Variants in SCRG1 observed in about 807,000 individuals in gnomAD.
SCRG1 encodes the protein scrapie-responsive protein 1.
A neutral mutation model predicts 7.7 loss-of-function variants in SCRG1; 3 were observed. The observed-to-expected ratio is 0.39, with a 90% CI of 0.18 to 1.01. The LOEUF (loss-of-function observed/expected upper bound fraction) is 1.01. SCRG1 is among the 50% of genes least tolerant of loss of function. The probability of loss-of-function intolerance (pLI) is 0.36; values close to 1 mark genes in which losing one functional copy is unlikely to be tolerated. For synonymous variants in SCRG1, 46 were observed against 41.2 expected, an observed-to-expected ratio of 1.12 and a Z score of -0.44; for missense variants, 110 against 117.2, an observed-to-expected ratio of 0.94 and a Z score of 0.28.
At chr4:173,421,337 A>G in the SCRG1 span, among the ~76,000 whole-genome samples, 2 of 152,186 alleles carry the variant, frequency 1.3e-5, no homozygotes, top group Admixed American at 1.3e-4. Context: ...TAGAAGCTCA[A>G]TAAATTGTCG....
the SCRG1 span, among the ~76,000 whole-genome samples, chr4:173,458,123 G>A: frequency 1.3e-5 from 2 of 152,148 alleles, no homozygotes; most frequent in African/African-American, 4.8e-5. Context: ...AGGGTACCCA[G>A]GACTGGCTGA....
the SCRG1 span, among the ~76,000 whole-genome samples, chr4:173,474,532 A>C: frequency 7.2e-5 from 11 of 152,336 alleles, no homozygotes; most frequent in African/African-American, 2.6e-4. Context: ...CCTTCAAATT[A>C]TATGTGAGTT....
chr4:173,428,947 C>G, the SCRG1 span, among the ~76,000 whole-genome samples: 1 of 152,124 alleles, frequency 6.6e-6, no homozygotes, highest in Non-Finnish European at 1.5e-5. Context: ...AATAATCCCT[C>G]TAATTATTAT....
the SCRG1 span, among the ~76,000 whole-genome samples, chr4:173,433,563 C>A: frequency 2.6e-5 from 4 of 152,152 alleles, no homozygotes; most frequent in Non-Finnish European, 4.4e-5. Context: ...TCGCTCTGGT[C>A]TGTGAGCTTC....
chr4:173,411,851 G>T, the SCRG1 span, among the ~76,000 whole-genome samples: 1 of 152,276 alleles, frequency 6.6e-6, no homozygotes, highest in Non-Finnish European at 1.5e-5. Flanking sequence ...GCTTCCAATG[G>T]CTTCTCCTTG....
the SCRG1 span, among the ~76,000 whole-genome samples, chr4:173,504,277 C>T: frequency 6.6e-6 from 1 of 152,164 alleles, no homozygotes; most frequent in Admixed American, 6.5e-5. The surrounding 1 kb of genome is among the most constrained non-coding windows in gnomAD (Gnocchi z 4.7). Flanking sequence ...GGCAAGGAGC[C>T]CAGAGGCTTC....
At chr4:173,481,126 C>T in the SCRG1 span, among the ~76,000 whole-genome samples, 1 of 152,200 alleles carries the variant, frequency 6.6e-6, no homozygotes, top group East Asian at 1.9e-4. Flanking sequence ...GTGCAGCCCT[C>T]AAGTGTCAAC....
chr4:173,452,381 G>A, the SCRG1 span, among the ~76,000 whole-genome samples: 1 of 152,152 alleles, frequency 6.6e-6, no homozygotes, highest in Non-Finnish European at 1.5e-5. Context: ...GATGGGAGGG[G>A]TTGGTCTTAC....
upstream of SCRG1, among the ~76,000 whole-genome samples, chr4:173,410,437 T>C (rs1740013839): frequency 6.6e-6 from 1 of 152,220 alleles, no homozygotes; most frequent in Admixed American, 6.5e-5. Context: ...GGAATCAGTT[T>C]TCAACAGTGA....
the SCRG1 span, among the ~76,000 whole-genome samples, chr4:173,518,101 A>G: frequency 8.5e-5 from 13 of 152,376 alleles, no homozygotes; most frequent in African/African-American, 2.9e-4. Flanking sequence ...GTTTAAAACA[A>G]TATTCGCTCT....
At chr4:173,439,513 TA>T in the SCRG1 span, among the ~76,000 whole-genome samples, 140,236 of 146,918 alleles carry the variant, frequency 0.95, 67,239 homozygotes, top group South Asian at 1. Flanking sequence ...AGACCCTGTT[TA>T]AAAAAAAAAA....
the SCRG1 span, chr4:173,470,120 C>CTTTTTTT: frequency 5.1e-4 from 46 of 89,944 alleles, no homozygotes; most frequent in African/African-American, 1.8e-3. Flanking sequence ...CTCCCTCTTT[C>CTTTTTTT]TTTTTTTTTT....
At chr4:173,500,168 T>G in the SCRG1 span, among the ~76,000 whole-genome samples, 1 of 152,174 alleles carries the variant, frequency 6.6e-6, no homozygotes, top group Non-Finnish European at 1.5e-5. Context: ...AGCGCCAAGT[T>G]CGGAAGTAAG....
the SCRG1 span, among the ~76,000 whole-genome samples, chr4:173,476,363 A>AAAAAAAAAAAAATATATATAT: frequency 5.1e-5 from 5 of 98,482 alleles, no homozygotes; most frequent in Non-Finnish European, 9.2e-5. Flanking sequence ...GGAAAAAAAA[A>AAAAAAAAAAAAATATATATAT]ATATATATAT....
the SCRG1 span, among the ~76,000 whole-genome samples, chr4:173,437,894 C>T: frequency 9.2e-5 from 14 of 152,082 alleles, no homozygotes; most frequent in South Asian, 4.1e-4. Flanking sequence ...AAAGAGAGAA[C>T]GGTTTCAAAT....
At chr4:173,420,908 T>C in the SCRG1 span, among the ~76,000 whole-genome samples, 2 of 152,100 alleles carry the variant, frequency 1.3e-5, no homozygotes, top group Non-Finnish European at 2.9e-5. Context: ...TCTGTGTGAG[T>C]GTGTGAGGTG....
the SCRG1 span, among the ~76,000 whole-genome samples, chr4:173,432,301 C>A: frequency 7.2e-6 from 1 of 138,834 alleles, no homozygotes; most frequent in East Asian, 2.2e-4. Flanking sequence ...CTTCCTCCCC[C>A]CCTCCCTCCC....
chr4:173,408,920 A>G (rs1377329358), upstream of SCRG1, among the ~76,000 whole-genome samples: 7 of 141,512 alleles, frequency 4.9e-5, no homozygotes, highest in African/African-American at 1.8e-4. Context: ...GTGAACCCGG[A>G]GGCAGAGCTT....
At chr4:173,450,993 TA>T in the SCRG1 span, among the ~76,000 whole-genome samples, 2 of 152,132 alleles carry the variant, frequency 1.3e-5, no homozygotes, top group Non-Finnish European at 2.9e-5. Flanking sequence ...GCTAAAGACG[TA>T]CTTTGTCCAC....
Sources: gnomAD v4.1 joint callset for allele counts (sites outside exome capture counted in the v4.1 genomes callset) on GRCh38, gnomAD v4.1.1 for gene constraint, Gnocchi (gnomAD v3.1) non-coding constraint, MANE v1.5 for transcripts, NCBI Gene and HGNC (gene_info 2026-07-23, HGNC 2026-07-21) for gene names.